The following NEK11 variants were observed in gnomAD, a reference collection of about 807,000 sequenced individuals.
NEK11 encodes NIMA related kinase 11.
NEK11 carries 72 observed loss-of-function variants against 80.7 expected under a neutral mutation model. The observed-to-expected ratio is 0.89, with a 90% CI of 0.74 to 1.08. The LOEUF is 1.08. NEK11 is among the 50% of genes least tolerant of loss of function. NEK11 has a pLI of 0.00. For missense variants in NEK11, 764 were observed against 763.6 expected, an observed-to-expected ratio of 1.00 and a Z score of -0.01; for synonymous variants, 251 against 260.7, an observed-to-expected ratio of 0.96 and a Z score of 0.36.
At chr3:131,301,287 G>A (rs992247533) in intron 17 of NEK11, among the ~76,000 whole-genome samples, 2 of 152,086 alleles carry the variant, frequency 1.3e-5, no homozygotes, top group African/African-American at 4.8e-5. Flanking sequence ...AATAGAGATT[G>A]TGGGGTTTTC....
At chr3:131,333,342 C>A (rs1582195088) in intron 17 of NEK11, among the ~76,000 whole-genome samples, 1 of 152,140 alleles carries the variant, frequency 6.6e-6, no homozygotes, top group East Asian at 1.9e-4. Context: ...AATTTTCAAC[C>A]CAGAATTTCA....
intron 17 of NEK11, among the ~76,000 whole-genome samples, chr3:131,315,570 G>A (rs996244209): frequency 6.8e-6 from 1 of 147,874 alleles, no homozygotes; most frequent in South Asian, 2.1e-4. Context: ...CAACTTTTAA[G>A]TTCCGGGGTA....
chr3:131,099,351 A>G (rs986447646), intron 4 of NEK11, among the ~76,000 whole-genome samples: 1 of 152,156 alleles, frequency 6.6e-6, no homozygotes, highest in Non-Finnish European at 1.5e-5. Flanking sequence ...TACTAGTATC[A>G]TGCTTTTTGT....
intron 11 of NEK11, among the ~76,000 whole-genome samples, chr3:131,164,810 T>C (rs943383749): frequency 3.9e-5 from 6 of 152,218 alleles, no homozygotes; most frequent in African/African-American, 1.4e-4. Flanking sequence ...AGAAGAATTA[T>C]AATGTACCCG....
chr3:131,174,816 C>A, intron 14 of NEK11: 1 of 1,608,942 alleles, frequency 6.2e-7, no homozygotes, highest in Non-Finnish European at 8.5e-7. Flanking sequence ...GCTGGAATAG[C>A]CTGAGACTCT....
intron 9 of NEK11, 64 bp from the exon 10 acceptor site, chr3:131,154,972 A>T: frequency 1.0e-6 from 1 of 966,924 alleles, no homozygotes; most frequent in Non-Finnish European, 1.6e-6. Context: ...ATTCTTGGTA[A>T]TTTATTCCCT....
chr3:131,336,193 G>T (rs1457671417), intron 17 of NEK11, among the ~76,000 whole-genome samples: 1 of 152,190 alleles, frequency 6.6e-6, no homozygotes, highest in African/African-American at 2.4e-5. Flanking sequence ...AAAGCTGGAG[G>T]CATCACGCTA....
intron 7 of NEK11, among the ~76,000 whole-genome samples, chr3:131,152,004 A>G (rs1004759313): frequency 6.6e-6 from 1 of 152,160 alleles, no homozygotes; most frequent in Non-Finnish European, 1.5e-5. Flanking sequence ...GCATATATAA[A>G]ATTATCAAAC....
intron 15 of NEK11, among the ~76,000 whole-genome samples, 161 bp from the exon 16 acceptor site, chr3:131,243,275 A>G (rs1279088314): frequency 6.6e-6 from 1 of 152,136 alleles, no homozygotes; most frequent in Non-Finnish European, 1.5e-5. Context: ...AGTGATGTAG[A>G]TATACATAAA....
At chr3:131,112,734 G>C (rs2080337161) in intron 5 of NEK11, among the ~76,000 whole-genome samples, 1 of 152,130 alleles carries the variant, frequency 6.6e-6, no homozygotes, top group African/African-American at 2.4e-5. Context: ...TGAAAAATGG[G>C]TCAGAGCTTT....
At chr3:131,188,390 C>T (rs1394091849) in intron 14 of NEK11, among the ~76,000 whole-genome samples, 1 of 152,104 alleles carries the variant, frequency 6.6e-6, no homozygotes, top group Non-Finnish European at 1.5e-5. Flanking sequence ...TTTGCACTAA[C>T]CTAGTATAAT....
At chr3:131,103,538 C>G (rs2078711492) in intron 4 of NEK11, among the ~76,000 whole-genome samples, 1 of 152,184 alleles carries the variant, frequency 6.6e-6, no homozygotes, top group African/African-American at 2.4e-5. Flanking sequence ...CTTTGTATTT[C>G]CTGCCACTTG....
At chr3:131,144,753 C>G (rs1183608540) in intron 7 of NEK11, among the ~76,000 whole-genome samples, 1 of 152,092 alleles carries the variant, frequency 6.6e-6, no homozygotes, top group African/African-American at 2.4e-5. Context: ...GGTAGGTGCA[C>G]TGGGACCACT....
At chr3:131,048,479 G>C (rs1285576493) in intron 3 of NEK11, among the ~76,000 whole-genome samples, 1 of 152,192 alleles carries the variant, frequency 6.6e-6, no homozygotes, top group Non-Finnish European at 1.5e-5. Context: ...TCCTGCTGCT[G>C]CTTCTACACC....
At chr3:131,121,000 C>A (rs1174779805) in intron 5 of NEK11, among the ~76,000 whole-genome samples, 1 of 152,216 alleles carries the variant, frequency 6.6e-6, no homozygotes, top group East Asian at 1.9e-4. Context: ...CAAAGTCATT[C>A]TTCGTCCAGC....
At chr3:131,322,195 T>C (rs2096904296) in intron 17 of NEK11, among the ~76,000 whole-genome samples, 1 of 152,286 alleles carries the variant, frequency 6.6e-6, no homozygotes, top group African/African-American at 2.4e-5. Context: ...TGCAGCAACA[T>C]GGATGCAGCT....
intron 17 of NEK11, among the ~76,000 whole-genome samples, chr3:131,286,174 A>G (rs757093299): frequency 6.6e-6 from 1 of 152,214 alleles, no homozygotes; most frequent in Non-Finnish European, 1.5e-5. Context: ...TTCACTACAC[A>G]AATTTGAAAT....
intron 5 of NEK11, among the ~76,000 whole-genome samples, chr3:131,123,564 C>T (rs1051268652): frequency 3.9e-5 from 6 of 152,170 alleles, no homozygotes; most frequent in African/African-American, 1.4e-4. Context: ...AATTACTTCT[C>T]ATAACTGCTT....
chr3:131,131,633 G>C (rs1196981120), intron 5 of NEK11, among the ~76,000 whole-genome samples: 3 of 151,944 alleles, frequency 2.0e-5, no homozygotes, highest in Admixed American at 2.0e-4. Context: ...CTGGCTAGAG[G>C]CTAGTTGATT....
Sources: allele counts gnomAD v4.1 joint callset (sites outside exome capture counted in the v4.1 genomes callset), GRCh38; gene constraint gnomAD v4.1.1; transcripts MANE v1.5; gene names NCBI Gene and HGNC (gene_info 2026-07-23, HGNC 2026-07-21).